The following TRAK2 variants were observed in gnomAD, a reference collection of about 807,000 sequenced individuals.
TRAK2 encodes trafficking kinesin protein 2, also known as trafficking kinesin-binding protein 2.
Under a neutral mutation model 104.6 loss-of-function variants are expected in TRAK2, and 81 were observed. The ratio of observed to expected loss-of-function variants is 0.77; its 90% CI spans 0.65 to 0.93. The LOEUF is 0.93. TRAK2 is among the 40% of genes least tolerant of loss of function. The pLI is 0.00. For synonymous variants in TRAK2, 406 were observed against 394.4 expected (o/e 1.03, Z -0.35); for missense variants, 1,002 against 1,089.0 (o/e 0.92, Z 1.12).
intron 6 of TRAK2, chr2:201,397,813 T>C: frequency 1.8e-6 from 1 of 552,702 alleles, no homozygotes; most frequent in Non-Finnish European, 3.2e-6. Flanking sequence ...ATATTGTGAT[T>C]TTCTGAGATA....
At chr2:201,384,429 A>C (rs550686858) in intron 14 of TRAK2, among the ~76,000 whole-genome samples, 1 of 152,332 alleles carries the variant, frequency 6.6e-6, no homozygotes, top group Admixed American at 6.5e-5. Flanking sequence ...ACTGTAAAGC[A>C]AAAGGCATAA....
chr2:201,433,736 G>A (rs1174715365), intron 1 of TRAK2, among the ~76,000 whole-genome samples: 1 of 152,110 alleles, frequency 6.6e-6, no homozygotes, highest in Non-Finnish European at 1.5e-5. Flanking sequence ...TTGAACCCAT[G>A]GTGTCAACCG....
chr2:201,433,745 C>T (rs955629222), intron 1 of TRAK2, among the ~76,000 whole-genome samples: 1 of 152,136 alleles, frequency 6.6e-6, no homozygotes, highest in Non-Finnish European at 1.5e-5. Flanking sequence ...TGGTGTCAAC[C>T]GCGGTTTTTG....
chr2:201,422,005 C>A (rs975362799), intron 1 of TRAK2, among the ~76,000 whole-genome samples: 7 of 145,484 alleles, frequency 4.8e-5, no homozygotes, highest in African/African-American at 1.0e-4. Flanking sequence ...GCTGAGATTG[C>A]GCCAACTGTA....
intron 1 of TRAK2, among the ~76,000 whole-genome samples, chr2:201,421,929 A>G (rs1951744476): frequency 6.6e-6 from 1 of 151,884 alleles, no homozygotes; most frequent in South Asian, 2.1e-4. Flanking sequence ...GGTGCCTGTA[A>G]TCCCAGCTAC....
At chr2:201,411,004 T>C (rs1238668220) in intron 2 of TRAK2, 3 of 1,425,402 alleles carry the variant, frequency 2.1e-6, no homozygotes, top group African/African-American at 2.8e-5. Context: ...TGAAAGCCCA[T>C]ATTGACATTT....
At position 201,387,819 on chromosome 2, in the gene TRAK2, G is replaced by A. The variant is rs142579315; in HGVS notation, c.1580C>T (p.Pro527Leu). The part of the protein sequence containing the change: ...QKEGVSGCVT[P>L]TESLASLCTT... The stretch of plus-strand genomic sequence containing the variant: ...GCAGAGAGAGGCAAGGCTCTCTGTC[G>A]GGGTGACACAGCCACTAACTCCTTC... The change falls in exon 13 of 16, where the codon CCG becomes CTG. Residue 527 changes from proline to leucine, a missense_variant. Transcript: ENST00000332624. 23 of 1,614,010 alleles carry A rather than the reference G, an allele frequency of 1.4e-5. No homozygotes were observed. The highest frequency in any genetic ancestry group is 9.3e-5 in the African/African-American group (7 of 74,906).
intron 3 of TRAK2, among the ~76,000 whole-genome samples, chr2:201,402,039 C>T (rs1186463517): frequency 6.6e-6 from 1 of 152,016 alleles, no homozygotes; most frequent in Non-Finnish European, 1.5e-5. Flanking sequence ...AGTCACTTAA[C>T]CCTTCTGAGA....
intron 6 of TRAK2, 91 bp downstream of exon 6, chr2:201,398,054 C>A: frequency 1.6e-6 from 2 of 1,233,804 alleles, no homozygotes; most frequent in Non-Finnish European, 2.3e-6. Context: ...ATAGCAAATC[C>A]TTACTTATGC....
At chr2:201,386,141 C>G (rs1951387536) in intron 14 of TRAK2, 77 bp downstream of exon 14, 9 of 1,513,318 alleles carry the variant, frequency 5.9e-6, no homozygotes, top group Middle Eastern at 1.7e-4. Context: ...GCAGAGGTAG[C>G]CAGCTGACTG....
chr2:201,441,065 T>C (rs1951916628), intron 1 of TRAK2, among the ~76,000 whole-genome samples: 1 of 152,204 alleles, frequency 6.6e-6, no homozygotes, highest in African/African-American at 2.4e-5. Context: ...GTTACAGAAG[T>C]AATTTAATGA....
chr2:201,380,787 A>G lies in TRAK2; in HGVS notation c.2501T>C (p.Leu834Ser). 3.1e-6 allele frequency: 5 copies of G among 1,614,078 alleles called. No homozygotes were observed. Among genetic ancestry groups the G allele is most frequent in the Non-Finnish European group, 4.2e-6 (5 of 1,179,984 alleles). The change falls in exon 16 of 16, where the codon TTA becomes TCA. Residue 834 changes from leucine to serine, a missense_variant. Transcript: ENST00000332624. ...CCCCAGTCTCTTCAGCCTGTCCACT[A>G]AGTTCATCTTCAACTGGCCAACATC... ...PPDVGQLKMN[L>S]VDRLKRLGIA...
chr2:201,448,395 A>G (rs1951982337), intron 1 of TRAK2, among the ~76,000 whole-genome samples: 1 of 152,254 alleles, frequency 6.6e-6, no homozygotes, highest in Non-Finnish European at 1.5e-5. Flanking sequence ...TTGTGAGGAT[A>G]AGTTAATATA....
chr2:201,423,037 CCACACACACACACACACACACACA>C (rs142826543), intron 1 of TRAK2, among the ~76,000 whole-genome samples: 1 of 134,150 alleles, frequency 7.5e-6, no homozygotes, highest in South Asian at 2.6e-4. Context: ...AACACCACCA[CCACACACACACACACACACACACA>C]CACACACACA....
chr2:201,412,152 G>A, intron 2 of TRAK2: 1 of 996,188 alleles, frequency 1.0e-6, no homozygotes, highest in Non-Finnish European at 1.6e-6. Flanking sequence ...AGAACACTGG[G>A]CAAAACAAAA....
chr2:201,422,528 G>T (rs1487469986), intron 1 of TRAK2, among the ~76,000 whole-genome samples: 1 of 152,120 alleles, frequency 6.6e-6, no homozygotes, highest in Non-Finnish European at 1.5e-5. Flanking sequence ...CCCTCAAGAA[G>T]TAGAAAGGAA....
At chr2:201,433,921 C>T (rs1559453739) in intron 1 of TRAK2, among the ~76,000 whole-genome samples, 2 of 152,104 alleles carry the variant, frequency 1.3e-5, no homozygotes, top group Non-Finnish European at 1.5e-5. Flanking sequence ...TGCATGGGTA[C>T]ATCTTTTGTC....
In TRAK2 at chr2:201,380,796, T is replaced by C; in HGVS notation, c.2492A>G (p.Lys831Arg). ...SRNPPDVGQL[K>R]MNLVDRLKRL... Reference sequence around the variant, plus strand: ...CTTCAGCCTGTCCACTAAGTTCATCTTCAACTGGCCAACATCAGGAGGGTT... The same window carrying C: ...CTTCAGCCTGTCCACTAAGTTCATCCTCAACTGGCCAACATCAGGAGGGTT... The change falls in exon 16 of 16, where the codon AAG (lysine) becomes AGG (arginine). Residue 831 changes from lysine (K) to arginine (R), a missense_variant. Transcript: ENST00000332624. 1 of 1,614,130 alleles carries C rather than the reference T, an allele frequency of 6.2e-7. No individual in the cohort carries two copies.
rs542030602 is a variant in TRAK2 at position 201,379,727 on chromosome 2, G to A, written c.*816C>T. 11 of 152,158 alleles carry A rather than the reference G, an allele frequency of 7.2e-5. No individual in the cohort carries two copies. In the South Asian group the frequency reaches 1.0e-3, roughly 14 times the overall value. The allele number at this position is 152,158 out of a possible 1,614,324, so 9.4% of individuals were successfully genotyped here. A position where few individuals can be genotyped will look rare whatever the true frequency, so the allele number is the denominator to read the frequency against. On this transcript the variant is annotated 3_prime_UTR_variant, in exon 16 of 16. Coordinates refer to ENST00000332624, the MANE Select transcript of TRAK2 (RefSeq NM_015049.3). ...CCTTGGCTACTGTACTTATTCAGACGAAATATTCTAAAAACAAGTTTTCTT... is the reference window on the plus strand; with the variant it reads ...CCTTGGCTACTGTACTTATTCAGACAAAATATTCTAAAAACAAGTTTTCTT...
Sources: gnomAD v4.1 joint callset for allele counts (sites outside exome capture counted in the v4.1 genomes callset) on GRCh38, gnomAD v4.1.1 for gene constraint, MANE v1.5 for transcripts, NCBI Gene and HGNC (gene_info 2026-07-23, HGNC 2026-07-21) for gene names.